CCDC91: variants seen among roughly 807,000 people sequenced by gnomAD.
CCDC91 encodes the protein coiled-coil domain-containing protein 91.
In CCDC91, 48 loss-of-function variants were observed where a neutral mutation model predicts 63.2. The observed-to-expected ratio is 0.76, with a 90% CI of 0.60 to 0.97. The LOEUF (loss-of-function observed/expected upper bound fraction) is 0.97. Ranked by LOEUF, CCDC91 falls within the 50% of genes least tolerant of loss-of-function variation. The pLI is 0.00. For missense variants in CCDC91, 500 were observed against 494.6 expected, an observed-to-expected ratio of 1.01 and a Z score of -0.10; for synonymous variants, 167 against 165.8, an observed-to-expected ratio of 1.01 and a Z score of -0.06.
chr12:28,535,803 C>T (rs1456789095), intron 12 of CCDC91, among the ~76,000 whole-genome samples: 2 of 151,942 alleles, frequency 1.3e-5, no homozygotes, highest in Non-Finnish European at 2.9e-5. Context: ...CCAAGGTGGG[C>T]AGATCATGAG....
intron 1 of CCDC91, among the ~76,000 whole-genome samples, chr12:28,219,865 C>T (rs1007663297): frequency 2.0e-5 from 3 of 152,072 alleles, no homozygotes; most frequent in Admixed American, 2.0e-4. Flanking sequence ...ATTTATCTGT[C>T]ATTATGAAAT....
chr12:28,391,240 T>A, intron 7 of CCDC91, 64 bp from the exon 8 acceptor site: 1 of 890,788 alleles, frequency 1.1e-6, no homozygotes, highest in Non-Finnish European at 1.9e-6. Flanking sequence ...AAAAATATTC[T>A]CGTGCCAACA....
At chr12:28,192,758 TA>T (rs996860542) in intron 1 of CCDC91, among the ~76,000 whole-genome samples, 6 of 152,100 alleles carry the variant, frequency 3.9e-5, no homozygotes, top group African/African-American at 1.2e-4. Flanking sequence ...TTGCTTTTTT[TA>T]AAAAAAATCA....
At chr12:28,540,485 G>A (rs1468869246) in intron 12 of CCDC91, among the ~76,000 whole-genome samples, 1 of 152,090 alleles carries the variant, frequency 6.6e-6, no homozygotes, top group Non-Finnish European at 1.5e-5. Context: ...AACAGATATT[G>A]TGCCAAGGCC....
intron 3 of CCDC91, chr12:28,302,579 TTG>T: frequency 1.1e-6 from 1 of 920,254 alleles, no homozygotes; most frequent in Non-Finnish European, 1.3e-6. Context: ...GACAGTAATA[TTG>T]TGAGGTCACA....
At chr12:28,452,946 C>T (rs112999445) in intron 11 of CCDC91, among the ~76,000 whole-genome samples, 4 of 151,784 alleles carry the variant, frequency 2.6e-5, no homozygotes, top group African/African-American at 9.6e-5. Flanking sequence ...ATATATTAAC[C>T]TTTCTGTGTT....
At chr12:28,473,541 C>T (rs1950927121) in intron 11 of CCDC91, among the ~76,000 whole-genome samples, 1 of 152,106 alleles carries the variant, frequency 6.6e-6, no homozygotes, top group Non-Finnish European at 1.5e-5. Flanking sequence ...CACATCTTAG[C>T]AGATTCCAAG....
intron 11 of CCDC91, among the ~76,000 whole-genome samples, chr12:28,458,777 C>T (rs1306621518): frequency 6.6e-6 from 1 of 151,924 alleles, no homozygotes; most frequent in Non-Finnish European, 1.5e-5. Context: ...AAAAATAATC[C>T]TTAAACATAT....
rs866983582 is a variant in CCDC91 at position 28,475,750 on chromosome 12, A to G, written c.1102-8302A>G. ...TTACCAGATGTGGCCCCAGTAAGAA[A>G]GCTCTTACCAGATGTGGCCCTTGGT... On this transcript the variant is annotated intron_variant, in intron 11 of 12. Coordinates refer to ENST00000536442, the MANE Select transcript of CCDC91 (RefSeq NM_018318.5). Among the ~76,000 whole-genome samples, 35 of 152,080 alleles carry G rather than the reference A, an allele frequency of 2.3e-4. 1 individual carries two copies. Among genetic ancestry groups the G allele is most frequent in the African/African-American group, 8.2e-4 (34 of 41,524 alleles).
intron 8 of CCDC91, among the ~76,000 whole-genome samples, chr12:28,402,133 C>T (rs146256474): frequency 6.6e-6 from 1 of 152,176 alleles, no homozygotes; most frequent in African/African-American, 2.4e-5. Context: ...GGGGATTCCC[C>T]TGTGCGTTAC....
intron 12 of CCDC91, among the ~76,000 whole-genome samples, chr12:28,527,285 C>T (rs919124265): frequency 6.6e-6 from 1 of 152,128 alleles, no homozygotes; most frequent in Non-Finnish European, 1.5e-5. Flanking sequence ...TTATTTTGTC[C>T]CACGGGATAC....
At chr12:28,308,478 A>G (rs1938978116) in intron 6 of CCDC91, among the ~76,000 whole-genome samples, 1 of 152,020 alleles carries the variant, frequency 6.6e-6, no homozygotes, top group Non-Finnish European at 1.5e-5. Context: ...ATTCTGTTCT[A>G]AAACCTTCGT....
chr12:28,521,401 G>T (rs1256910539), intron 12 of CCDC91, among the ~76,000 whole-genome samples: 3 of 152,144 alleles, frequency 2.0e-5, no homozygotes, highest in Non-Finnish European at 4.4e-5. Flanking sequence ...AAGAATGCTT[G>T]TGATTTTTGC....
rs573985229 is a variant in CCDC91, at chr12:28,548,813, A to G, written c.1216-250A>G. Among the ~76,000 whole-genome samples, 5 of 152,274 alleles carry G rather than the reference A, an allele frequency of 3.3e-5. No homozygotes were observed. The South Asian group carries it at 1.0e-3, about 32-fold the overall frequency. ...ATGTTTTCTGAAATCATTCTGATCA[A>G]ATGTATGATATTTCTCTAATAACTG... On this transcript the variant is annotated intron_variant, in intron 12 of 12. Transcript: ENST00000536442.
At chr12:28,414,692 C>T (rs1018629935) in intron 8 of CCDC91, among the ~76,000 whole-genome samples, 2 of 152,066 alleles carry the variant, frequency 1.3e-5, no homozygotes, top group African/African-American at 2.4e-5. Flanking sequence ...TTAAAATATT[C>T]CTTGTATTCA....
intron 1 of CCDC91, among the ~76,000 whole-genome samples, chr12:28,215,263 A>G (rs1390321867): frequency 6.6e-6 from 1 of 152,136 alleles, no homozygotes; most frequent in Non-Finnish European, 1.5e-5. Flanking sequence ...TGATTCTCCT[A>G]GCTTTCCAGC....
chr12:28,347,455 T>A (rs1306400552), intron 6 of CCDC91, among the ~76,000 whole-genome samples: 2 of 152,242 alleles, frequency 1.3e-5, no homozygotes, highest in African/African-American at 4.8e-5. Context: ...TGTGTTGGTC[T>A]GGATTGCAGG....
chr12:28,467,080 A>G (rs1950582478), intron 11 of CCDC91, among the ~76,000 whole-genome samples: 2 of 152,112 alleles, frequency 1.3e-5, no homozygotes, highest in South Asian at 4.1e-4. Context: ...CTACAAAACA[A>G]CCACACACAA....
chr12:28,325,599 T>G (rs1176076465), intron 6 of CCDC91, among the ~76,000 whole-genome samples: 1 of 151,930 alleles, frequency 6.6e-6, no homozygotes, highest in Non-Finnish European at 1.5e-5. Context: ...GTTATAATTT[T>G]TAGTGAAGTG....
Sources: allele counts gnomAD v4.1 joint callset (sites outside exome capture counted in the v4.1 genomes callset), GRCh38; gene constraint gnomAD v4.1.1; transcripts MANE v1.5; gene names NCBI Gene and HGNC (gene_info 2026-07-23, HGNC 2026-07-21).